Variants in TSC22D3 observed in about 807,000 individuals in gnomAD.
TSC22D3 encodes TSC22 domain family protein 3.
TSC22D3 carries 4 observed loss-of-function variants against 11.1 expected under a neutral mutation model. That is an observed-to-expected ratio of 0.36 (90% CI 0.18 to 0.83). The LOEUF (loss-of-function observed/expected upper bound fraction) is 0.83, where lower values mean the gene tolerates loss of function less well. Among genes scored for constraint, TSC22D3 ranks in the 40% least tolerant of loss-of-function variants. TSC22D3 has a pLI of 0.48. For synonymous variants in TSC22D3, 77 were observed against 70.3 expected (o/e 1.10, Z -0.48); for missense variants, 118 against 159.4 (o/e 0.74, Z 1.40).
At chrX:107,767,359 G>A (rs758658077) in intron 1 of TSC22D3, among the ~76,000 whole-genome samples, 19 of 111,329 alleles carry the variant, frequency 1.7e-4, no homozygotes, top group Middle Eastern at 4.6e-3. Context: ...CAGTGATCCA[G>A]CCTGCTTCCA....
intron 1 of TSC22D3, among the ~76,000 whole-genome samples, chrX:107,733,850 G>A (rs920202661): frequency 5.4e-5 from 6 of 111,730 alleles, no homozygotes; most frequent in African/African-American, 2.0e-4. Flanking sequence ...AGTCTGCTTT[G>A]GGGCCCCTGA....
intron 1 of TSC22D3, among the ~76,000 whole-genome samples, chrX:107,761,603 C>T (rs998887004): frequency 3.6e-5 from 4 of 111,962 alleles, no homozygotes; most frequent in Admixed American, 2.8e-4. Context: ...TCTTCCTGAT[C>T]CTGATTTTCA....
Position 107,775,300 on chromosome X carries a change from C to G in TSC22D3, c.120G>C (p.Pro40=). ...QRGSSGENNN[P]GSPTVSNFRQ... is the part of the protein sequence containing the mutation. Reference sequence around the variant, plus strand: ...GAAAGTTGCTCACTGTAGGGCTGCCCGGGTTGTTGTTCTCCCCGCTGCTGC... The same window carrying G: ...GAAAGTTGCTCACTGTAGGGCTGCCGGGGTTGTTGTTCTCCCCGCTGCTGC... Residue 40 remains proline (P), a synonymous_variant, in exon 1 of 3, where the codon CCG becomes CCC. Transcript: ENST00000372383. The G allele has an allele frequency of 8.3e-7, 1 of 1,211,812 alleles. No individual in the cohort carries two copies. The highest frequency in any genetic ancestry group is 1.8e-5 in the South Asian group (1 of 56,977).
intron 1 of TSC22D3, among the ~76,000 whole-genome samples, chrX:107,742,334 C>G (rs1422481403): frequency 1.6e-5 from 1 of 63,098 alleles, no homozygotes; most frequent in Non-Finnish European, 2.9e-5. Flanking sequence ...TGTGCGCGCG[C>G]GCGCGGTGTT....
chrX:107,750,168 G>A (rs764230514), intron 1 of TSC22D3, among the ~76,000 whole-genome samples: 23 of 111,656 alleles, frequency 2.1e-4, no homozygotes, highest in Non-Finnish European at 3.8e-4. Context: ...ATAAAAATGT[G>A]GATTCAGAAA....
At chrX:107,775,821 C>T, upstream of TSC22D3, 1 of 120,673 alleles carries the variant, frequency 8.3e-6, no homozygotes, top group East Asian at 2.6e-4. Flanking sequence ...AGAGGGAGAG[C>T]CAGGGCGCGC....
intron 1 of TSC22D3, among the ~76,000 whole-genome samples, chrX:107,774,581 T>A (rs1225396773): frequency 1.8e-5 from 2 of 111,378 alleles, no homozygotes; most frequent in Non-Finnish European, 3.8e-5. Context: ...TTTTTAAAAA[T>A]TTTCCCCTCC....
intron 1 of TSC22D3, among the ~76,000 whole-genome samples, chrX:107,746,762 T>G (rs1250778683): frequency 8.9e-6 from 1 of 112,479 alleles, no homozygotes; most frequent in African/African-American, 3.2e-5. Flanking sequence ...ATACACACAT[T>G]CATGTGTGTC....
chrX:107,759,341 A>G (rs1176811896), intron 1 of TSC22D3, among the ~76,000 whole-genome samples: 2 of 111,398 alleles, frequency 1.8e-5, no homozygotes, highest in African/African-American at 6.5e-5. Context: ...TATTCATTCA[A>G]GTTTCCATGC....
At chrX:107,756,427 G>A (rs749109176) in intron 1 of TSC22D3, among the ~76,000 whole-genome samples, 9 of 112,346 alleles carry the variant, frequency 8.0e-5, no homozygotes, top group Admixed American at 3.7e-4. Context: ...GTTAGTCCAC[G>A]TACCACCTAA....
At chrX:107,742,280 AAAG>A (rs1928441451) in intron 1 of TSC22D3, among the ~76,000 whole-genome samples, 5 of 60,310 alleles carry the variant, frequency 8.3e-5, no homozygotes, top group Admixed American at 1.8e-4. Context: ...AGAGAGAGAG[AAAG>A]AGAGAGAGAG....
intron 1 of TSC22D3, among the ~76,000 whole-genome samples, chrX:107,755,077 G>A (rs1929112949): frequency 8.9e-6 from 1 of 111,902 alleles, no homozygotes; most frequent in African/African-American, 3.3e-5. Flanking sequence ...AATCTCTGGT[G>A]GATAACTTGG....
intron 1 of TSC22D3, among the ~76,000 whole-genome samples, chrX:107,745,874 C>T (rs948422196): frequency 4.4e-5 from 5 of 112,457 alleles, no homozygotes; most frequent in Non-Finnish European, 7.5e-5. Flanking sequence ...AATTGCCTAC[C>T]TCAGCCCTTA....
At chrX:107,717,046 C>T (rs1294389198) in intron 1 of TSC22D3, 1 of 973,826 alleles carries the variant, frequency 1.0e-6, no homozygotes. Flanking sequence ...CCACGGCCGC[C>T]AGTCCAACCC....
intron 1 of TSC22D3, among the ~76,000 whole-genome samples, chrX:107,769,949 T>C (rs1270183413): frequency 1.8e-5 from 2 of 112,344 alleles, no homozygotes; most frequent in Non-Finnish European, 3.8e-5. Flanking sequence ...GGTCCCTTAA[T>C]CCAAGAATGC....
intron 1 of TSC22D3, among the ~76,000 whole-genome samples, chrX:107,725,013 G>GA (rs1213841035): frequency 6.5e-5 from 7 of 107,849 alleles, no homozygotes; most frequent in South Asian, 3.9e-4. Context: ...AGGGTGGTGA[G>GA]AAAAAAAAAA....
rs761140499 is a variant in TSC22D3, at chrX:107,775,089, G to A, written c.320+11C>T. On this transcript the variant is annotated intron_variant, in intron 1 of 2. Coordinates refer to ENST00000372383, the MANE Select transcript of TSC22D3 (RefSeq NM_198057.3). ...AAGGACCGAGTTGCCGCCGTGTGCC[G>A]AGCCACCCACCTGTGGAAGAAGAGC... is the stretch of plus-strand genomic sequence containing the variant. 6.6e-6 allele frequency: 8 copies of A among 1,207,642 alleles called. No homozygotes were observed. The South Asian group carries it at 1.1e-4, about 16-fold the overall frequency.
At chrX:107,743,799 C>T (rs1928535591) in intron 1 of TSC22D3, among the ~76,000 whole-genome samples, 1 of 111,939 alleles carries the variant, frequency 8.9e-6, no homozygotes, top group South Asian at 3.8e-4. Context: ...GAAGCATGGC[C>T]CTAGTTTTTC....
chrX:107,754,729 C>G (rs185810153), intron 1 of TSC22D3, among the ~76,000 whole-genome samples: 1 of 112,341 alleles, frequency 8.9e-6, no homozygotes, highest in East Asian at 2.8e-4. Flanking sequence ...CTAATGAAAT[C>G]TTACACAGCT....
Sources: gnomAD v4.1 joint callset for allele counts (sites outside exome capture counted in the v4.1 genomes callset) on GRCh38, gnomAD v4.1.1 for gene constraint, MANE v1.5 for transcripts, NCBI Gene and HGNC (gene_info 2026-07-23, HGNC 2026-07-21) for gene names.